CRTAM: variants seen among roughly 807,000 people sequenced by gnomAD.
The protein encoded by CRTAM is cytotoxic and regulatory T cell molecule.
In CRTAM, 44 loss-of-function variants were observed where a neutral mutation model predicts 50.0. That is an observed-to-expected ratio of 0.88 (90% CI 0.69 to 1.13). CRTAM has a LOEUF of 1.13. Among genes scored for constraint, CRTAM ranks in the 50% most tolerant of loss-of-function variants. The pLI is 0.00. For missense variants in CRTAM, 448 were observed against 457.5 expected, an observed-to-expected ratio of 0.98 and a Z score of 0.19; for synonymous variants, 159 against 169.3, an observed-to-expected ratio of 0.94 and a Z score of 0.47.
At chr11:122,850,760 CTT>C (rs1192064786) in intron 2 of CRTAM, among the ~76,000 whole-genome samples, 1 of 152,170 alleles carries the variant, frequency 6.6e-6, no homozygotes, top group African/African-American at 2.4e-5. Flanking sequence ...AGTCATTTCT[CTT>C]TTCACAAACA....
In CRTAM at chr11:122,846,107, T is replaced by C. The variant is rs116332905; in HGVS notation, c.47-3961T>C. On this transcript the variant is annotated intron_variant, in intron 1 of 9. Coordinates refer to ENST00000227348, the MANE Select transcript of CRTAM (RefSeq NM_019604.4). ...GAATTCCTTGTGTAAATAAATGAGA[T>C]GGAAACTAGTGTCCAAGTGGAGATA... 2.7e-3 allele frequency among the ~76,000 whole-genome samples: 416 copies of C among 152,226 alleles called. 3 individuals are homozygous for C. Among genetic ancestry groups the C allele is most frequent in the African/African-American group, 9.4e-3 (389 of 41,530 alleles).
intron 6 of CRTAM, among the ~76,000 whole-genome samples, chr11:122,863,516 A>T (rs769735796): frequency 6.6e-6 from 1 of 152,206 alleles, no homozygotes; most frequent in African/African-American, 2.4e-5. Flanking sequence ...CTTTCAGAGC[A>T]TTATCATGTT....
chr11:122,845,719 A>G (rs36119790), intron 1 of CRTAM, among the ~76,000 whole-genome samples: 1 of 152,052 alleles, frequency 6.6e-6, no homozygotes, highest in South Asian at 2.1e-4. Context: ...AAAAATAAAT[A>G]AATAAAAAGG....
In CRTAM at chr11:122,842,762, G is replaced by A. The variant is rs192715450; in HGVS notation, c.46+4170G>A. 9.7e-4 allele frequency among the ~76,000 whole-genome samples: 147 copies of A among 152,328 alleles called. 1 individual carries two copies. The highest frequency in any genetic ancestry group is 3.5e-3 in the African/African-American group (145 of 41,580). The stretch of plus-strand genomic sequence containing the variant: ...ATTAAAGGATGTTTTGGAGAAAGAA[G>A]AGTTTAGAGCACCTCTCAAATATCT... On this transcript the variant is annotated intron_variant, in intron 1 of 9. Transcript: ENST00000227348.
intron 1 of CRTAM, among the ~76,000 whole-genome samples, chr11:122,849,520 G>A (rs748628514): frequency 1.7e-4 from 26 of 152,082 alleles, no homozygotes; most frequent in Non-Finnish European, 3.5e-4. Flanking sequence ...TCAGGAGTTC[G>A]AGACCAGCCT....
intron 3 of CRTAM, among the ~76,000 whole-genome samples, chr11:122,853,378 C>T (rs114608922): frequency 0.011 from 1,720 of 151,896 alleles, 39 homozygotes; most frequent in African/African-American, 0.038. Context: ...CCTCATATAC[C>T]ACATTTTAAG....
In CRTAM at chr11:122,864,005, C is replaced by T. The variant is rs530558742; in HGVS notation, c.734-631C>T. Among the ~76,000 whole-genome samples the T allele has an allele frequency of 5.3e-5, 8 of 152,184 alleles. No individual in the cohort carries two copies. In the East Asian group the frequency reaches 9.7e-4, roughly 18 times the overall value. ...GTAAAATCTGGAAAAAAAAACCACA[C>T]AGTTTCTGATTTTTTATAATTTATC... On this transcript the variant is annotated intron_variant, in intron 6 of 9. Transcript: ENST00000227348.
intron 6 of CRTAM, 59 bp from the exon 7 acceptor site, chr11:122,864,577 T>A (rs1862143164): frequency 2.6e-6 from 3 of 1,169,556 alleles, no homozygotes; most frequent in Non-Finnish European, 3.8e-6. Flanking sequence ...ACTACAGTTG[T>A]ATGTAGTCAC....
intron 1 of CRTAM, among the ~76,000 whole-genome samples, chr11:122,845,767 G>T (rs183510896): frequency 2.4e-4 from 36 of 152,126 alleles, no homozygotes; most frequent in Admixed American, 5.2e-4. Context: ...TAGGATAGTA[G>T]CTGGAAGGAA....
chr11:122,864,669 T>A lies in CRTAM; in HGVS notation c.767T>A (p.Ile256Asn), dbSNP rs1862145085. The change falls in exon 7 of 10, where the codon ATT (isoleucine) becomes AAT (asparagine). Residue 256 changes from isoleucine (I) to asparagine (N), a missense_variant. Transcript: ENST00000227348. ...SVTEDSSTSE[I>N]DKEEKEQTTQ... ...ACGGAAGATTCTAGTACATCGGAGA[T>A]TGACAAGGAAGAGAAAGAACAAACC... 1 of 1,613,832 alleles carries A rather than the reference T, an allele frequency of 6.2e-7. No homozygotes were observed. The highest frequency in any genetic ancestry group is 2.2e-5 in the East Asian group (1 of 44,870).
intron 1 of CRTAM, among the ~76,000 whole-genome samples, chr11:122,841,599 A>G (rs1277381661): frequency 6.6e-6 from 1 of 151,804 alleles, no homozygotes; most frequent in African/African-American, 2.4e-5. Context: ...ACAGGCTTTC[A>G]CCATGTTAGC....
intron 6 of CRTAM, 120 bp from the exon 7 acceptor site, chr11:122,864,516 A>T: frequency 1.6e-6 from 1 of 622,806 alleles, no homozygotes; most frequent in Non-Finnish European, 2.9e-6. Flanking sequence ...AAATGATCTC[A>T]GTACTGTTTT....
At chr11:122,866,765 G>A (rs1862180291) in intron 7 of CRTAM, among the ~76,000 whole-genome samples, 1 of 151,928 alleles carries the variant, frequency 6.6e-6, no homozygotes, top group Non-Finnish European at 1.5e-5. Context: ...CACTGCTCCT[G>A]GCTAATTTTT....
In CRTAM at chr11:122,864,647, G is replaced by A. The variant is rs780138261; in HGVS notation, c.745G>A (p.Glu249Lys). 2.2e-5 allele frequency: 36 copies of A among 1,612,168 alleles called. No homozygotes were observed. Among genetic ancestry groups the A allele is most frequent in the Non-Finnish European group, 2.9e-5 (34 of 1,178,494 alleles). Residue 249 changes from glutamate (E) to lysine (K), a missense_variant, in exon 7 of 10, where the codon GAA becomes AAA. Physicochemically the swap from Glu to Lys is moderately conservative, Grantham distance 56. Transcript: ENST00000227348. ...TTCTTTCACTTTAGTCTCAGTAACG[G>A]AAGATTCTAGTACATCGGAGATTGA... is the stretch of plus-strand genomic sequence containing the variant. ...QQPTSTVSVT[E>K]DSSTSEIDKE... is the part of the protein sequence containing the mutation.
intron 9 of CRTAM, 52 bp from the exon 10 acceptor site, chr11:122,871,217 G>A (rs1281223001): frequency 2.7e-6 from 4 of 1,507,426 alleles, no homozygotes; most frequent in Non-Finnish European, 2.7e-6. Flanking sequence ...CAAGTAAATG[G>A]GTGCAATGTT....
chr11:122,851,492 G>C (rs1861928649), intron 2 of CRTAM, among the ~76,000 whole-genome samples: 1 of 152,150 alleles, frequency 6.6e-6, no homozygotes, highest in African/African-American at 2.4e-5. Context: ...TCGGATTTCT[G>C]CAGCAGAATG....
At chr11:122,843,096 C>CA (rs1861819075) in intron 1 of CRTAM, among the ~76,000 whole-genome samples, 1 of 152,078 alleles carries the variant, frequency 6.6e-6, no homozygotes, top group Non-Finnish European at 1.5e-5. Flanking sequence ...TGGGAAAGAC[C>CA]AAAAAATCTT....
intron 5 of CRTAM, among the ~76,000 whole-genome samples, chr11:122,861,399 TA>T: frequency 1.1e-4 from 2 of 17,668 alleles, no homozygotes; most frequent in Non-Finnish European, 2.3e-4. Context: ...TATATATATA[TA>T]TATATATATA....
At chr11:122,870,220 A>G (rs942961332) in intron 9 of CRTAM, among the ~76,000 whole-genome samples, 9 of 152,086 alleles carry the variant, frequency 5.9e-5, no homozygotes, top group Non-Finnish European at 4.4e-5. Context: ...AGCTGGGACT[A>G]CAGGCACGCA....
Sources: gnomAD v4.1 joint callset for allele counts (sites outside exome capture counted in the v4.1 genomes callset) on GRCh38, gnomAD v4.1.1 for gene constraint, MANE v1.5 for transcripts, NCBI Gene and HGNC (gene_info 2026-07-23, HGNC 2026-07-21) for gene names.